The following FHIT variants were observed in gnomAD, a reference collection of about 807,000 sequenced individuals.
The protein encoded by FHIT is fragile histidine triad diadenosine triphosphatase, also known as bis(5'-adenosyl)-triphosphatase.
Under a neutral mutation model 17.9 loss-of-function variants are expected in FHIT, and 19 were observed. The observed-to-expected ratio is 1.06, with a 90% CI of 0.74 to 1.56. The LOEUF (loss-of-function observed/expected upper bound fraction) is 1.56. FHIT is among the 40% of genes most tolerant of loss of function. The pLI is 0.00. For synonymous variants in FHIT, 81 were observed against 69.7 expected (o/e 1.16, Z -0.81); for missense variants, 248 against 189.2 (o/e 1.31, Z -1.82).
intron 5 of FHIT, among the ~76,000 whole-genome samples, chr3:60,058,618 C>T (rs1424099847): frequency 6.6e-6 from 1 of 152,178 alleles, no homozygotes; most frequent in East Asian, 1.9e-4. Flanking sequence ...AAAGATGCCA[C>T]ATCTGCCCTG....
chr3:60,450,961 C>A (rs2031699613), intron 5 of FHIT, among the ~76,000 whole-genome samples: 1 of 152,076 alleles, frequency 6.6e-6, no homozygotes, highest in Non-Finnish European at 1.5e-5. Context: ...GATAAAACTT[C>A]TTAATTAATT....
At chr3:60,449,515 T>C (rs997319152) in intron 5 of FHIT, among the ~76,000 whole-genome samples, 1 of 152,092 alleles carries the variant, frequency 6.6e-6, no homozygotes, top group African/African-American at 2.4e-5. Flanking sequence ...GCTATTTTAT[T>C]GTGCCAACAT....
chr3:60,384,435 C>T (rs1318386246), intron 5 of FHIT, among the ~76,000 whole-genome samples: 1 of 152,084 alleles, frequency 6.6e-6, no homozygotes, highest in African/African-American at 2.4e-5. Context: ...TCCAGTTATA[C>T]ACTTTAAAGG....
intron 5 of FHIT, among the ~76,000 whole-genome samples, chr3:60,438,278 T>G (rs963396085): frequency 6.6e-6 from 1 of 151,794 alleles, no homozygotes; most frequent in Admixed American, 6.6e-5. Context: ...GGGTGGAGAT[T>G]TAAGATGCTA....
chr3:59,848,692 T>A (rs1243608206), intron 8 of FHIT, among the ~76,000 whole-genome samples: 1 of 152,212 alleles, frequency 6.6e-6, no homozygotes, highest in Non-Finnish European at 1.5e-5. Context: ...AGCCTTGTTA[T>A]TATCCAGTAA....
intron 2 of FHIT, among the ~76,000 whole-genome samples, chr3:61,152,828 C>T (rs1443889697): frequency 6.6e-6 from 1 of 152,102 alleles, no homozygotes; most frequent in African/African-American, 2.4e-5. Context: ...AGTTAGCCAA[C>T]TTTTCCAAAT....
At chr3:60,203,632 T>C (rs927455033) in intron 5 of FHIT, among the ~76,000 whole-genome samples, 4 of 152,178 alleles carry the variant, frequency 2.6e-5, no homozygotes, top group Non-Finnish European at 4.4e-5. Context: ...GGTCAACCTA[T>C]GTCAGCCCAT....
At chr3:60,425,455 T>C (rs1702627079) in intron 5 of FHIT, among the ~76,000 whole-genome samples, 2 of 152,056 alleles carry the variant, frequency 1.3e-5, no homozygotes, top group South Asian at 4.2e-4. Flanking sequence ...ACCTGGATGG[T>C]GAAGTAATCT....
chr3:61,176,898 G>A (rs1001339931), intron 2 of FHIT, among the ~76,000 whole-genome samples: 4 of 152,164 alleles, frequency 2.6e-5, no homozygotes, highest in Admixed American at 6.5e-5. Context: ...GGAACCGGCC[G>A]GGCGTGGTGG....
intron 5 of FHIT, among the ~76,000 whole-genome samples, chr3:60,426,223 G>C (rs1702658837): frequency 6.6e-6 from 1 of 152,136 alleles, no homozygotes; most frequent in Non-Finnish European, 1.5e-5. Context: ...AAAATTAAGT[G>C]AGTGAATACT....
chr3:60,035,424 G>A lies in FHIT; in HGVS notation c.104-21272C>T, dbSNP rs980557953. ...GCTAATTTTTTGTATTTTTAGTAGAGAAGAGGTTTCACCTTGTTGGCCAGG... is the reference window on the plus strand; with the variant it reads ...GCTAATTTTTTGTATTTTTAGTAGAAAAGAGGTTTCACCTTGTTGGCCAGG... On this transcript the variant is annotated intron_variant, in intron 5 of 9. Transcript: ENST00000492590. Among the ~76,000 whole-genome samples, 78 of 152,276 alleles carry A rather than the reference G, an allele frequency of 5.1e-4. 1 individual carries two copies. The highest frequency in any genetic ancestry group is 1.2e-3 in the African/African-American group (50 of 41,564).
At chr3:60,329,605 A>G (rs1382738486) in intron 5 of FHIT, among the ~76,000 whole-genome samples, 1 of 152,230 alleles carries the variant, frequency 6.6e-6, no homozygotes, top group African/African-American at 2.4e-5. Flanking sequence ...AAAAGAAGTT[A>G]GGTGAGTAAC....
chr3:60,140,567 C>T (rs1014307965), intron 5 of FHIT, among the ~76,000 whole-genome samples: 3 of 140,844 alleles, frequency 2.1e-5, no homozygotes, highest in Admixed American at 7.5e-5. Context: ...GGGAAAGACA[C>T]AGACTCTATT....
intron 3 of FHIT, among the ~76,000 whole-genome samples, chr3:61,014,671 T>C (rs1001730854): frequency 1.3e-5 from 2 of 149,064 alleles, no homozygotes; most frequent in Admixed American, 6.7e-5. Context: ...TCCCAGCTAC[T>C]TGGGAGGCTG....
In FHIT at chr3:61,238,044, T is replaced by C. The variant is rs116957040; in HGVS notation, c.-213+13257A>G. On this transcript the variant is annotated intron_variant, in intron 1 of 9. Coordinates refer to ENST00000492590, the MANE Select transcript of FHIT (RefSeq NM_002012.4). ...GAGTCACACCTCATTTTGTTTATCA[T>C]AGGCCATGCATTGTTCTATGCATGG... Among the ~76,000 whole-genome samples the C allele has an allele frequency of 7.9e-5, 12 of 152,326 alleles. No individual in the cohort carries two copies. In the East Asian group the frequency reaches 1.9e-3, roughly 24 times the overall value.
intron 7 of FHIT, among the ~76,000 whole-genome samples, chr3:59,937,088 G>A (rs1015260117): frequency 2.6e-5 from 4 of 152,144 alleles, no homozygotes; most frequent in Non-Finnish European, 4.4e-5. Flanking sequence ...TATGTCGATG[G>A]TGTCACACAT....
intron 4 of FHIT, among the ~76,000 whole-genome samples, chr3:60,725,996 G>A (rs2041909533): frequency 6.6e-6 from 1 of 152,126 alleles, no homozygotes; most frequent in South Asian, 2.1e-4. Flanking sequence ...ATTGAGGGAA[G>A]GAATGGCACT....
intron 7 of FHIT, among the ~76,000 whole-genome samples, chr3:59,961,895 T>C (rs1276764325): frequency 9.2e-6 from 1 of 108,470 alleles, no homozygotes; most frequent in Non-Finnish European, 2.0e-5. Context: ...TTTCAATTTT[T>C]TTTATGACAG....
intron 4 of FHIT, among the ~76,000 whole-genome samples, chr3:60,556,881 T>G (rs1454922222): frequency 6.6e-6 from 1 of 152,212 alleles, no homozygotes; most frequent in Non-Finnish European, 1.5e-5. Flanking sequence ...TGCTCTCTTT[T>G]TTTCACATTT....
Sources: gnomAD v4.1 joint callset for allele counts (sites outside exome capture counted in the v4.1 genomes callset) on GRCh38, gnomAD v4.1.1 for gene constraint, MANE v1.5 for transcripts, NCBI Gene and HGNC (gene_info 2026-07-23, HGNC 2026-07-21) for gene names.